CAMK4: variants seen among roughly 807,000 people sequenced by gnomAD.
CAMK4 encodes calcium/calmodulin-dependent protein kinase type IV.
CAMK4 carries 22 observed loss-of-function variants against 44.9 expected under a neutral mutation model. The ratio of observed to expected loss-of-function variants is 0.49; its 90% confidence interval spans 0.35 to 0.70. The LOEUF (loss-of-function observed/expected upper bound fraction) is 0.70, where lower values mean the gene tolerates loss of function less well. Ranked by LOEUF, CAMK4 falls within the 30% of genes least tolerant of loss-of-function variation. CAMK4 has a pLI of 0.01. For missense variants in CAMK4, 498 were observed against 586.8 expected (o/e 0.85, Z 1.56); for synonymous variants, 218 against 215.4 (o/e 1.01, Z -0.11).
At position 111,336,884 on chromosome 5, in the gene CAMK4, A is replaced by G. The variant is rs920927309; in HGVS notation, c.162-7140A>G. The stretch of plus-strand genomic sequence containing the variant: ...ATGAACATAGAATGGGTTGAATGCT[A>G]TAAGCCACATTTTGGTAATGTGGTT... On this transcript the variant is annotated intron_variant, in intron 1 of 10. Transcript: ENST00000282356. Among the ~76,000 whole-genome samples the G allele has an allele frequency of 3.3e-5, 5 of 151,116 alleles. No individual in the cohort carries two copies. The East Asian group carries it at 5.8e-4, about 18-fold the overall frequency.
intron 2 of CAMK4, among the ~76,000 whole-genome samples, chr5:111,355,669 C>T (rs574727266): frequency 0.012 from 1,416 of 118,010 alleles, 14 homozygotes; most frequent in Non-Finnish European, 0.018. Flanking sequence ...CACCCCACAA[C>T]AGTCCCCAGA....
chr5:111,289,322 A>C (rs1015230035), intron 1 of CAMK4, among the ~76,000 whole-genome samples: 1 of 152,224 alleles, frequency 6.6e-6, no homozygotes, highest in African/African-American at 2.4e-5. Context: ...CTCCAGCCTG[A>C]GCAAGAAAGA....
In CAMK4 at chr5:111,492,408, A is replaced by G. The variant is rs1755880307; in HGVS notation, c.*7942A>G. Reference sequence around the variant, plus strand: ...GAACAAAAGATATCAATCTTCTGCCAGTCCGCATCATTATGTGTAGCAGAG... The same window carrying G: ...GAACAAAAGATATCAATCTTCTGCCGGTCCGCATCATTATGTGTAGCAGAG... On this transcript the variant is annotated 3_prime_UTR_variant, in exon 11 of 11. Transcript: ENST00000282356. The G allele has an allele frequency of 2.0e-5, 3 of 152,220 alleles. No individual in the cohort carries two copies. Among genetic ancestry groups the G allele is most frequent in the Admixed American group, 6.5e-5 (1 of 15,280 alleles). 9.4% of individuals were successfully genotyped at this position (152,220 alleles called of 1,614,324 possible). A position where few individuals can be genotyped will look rare whatever the true frequency, so the allele number is the denominator to read the frequency against.
chr5:111,286,883 A>G (rs916182759), intron 1 of CAMK4, among the ~76,000 whole-genome samples: 4 of 152,196 alleles, frequency 2.6e-5, no homozygotes, highest in African/African-American at 9.7e-5. Flanking sequence ...ACTTCTTTGA[A>G]GTAGAGTTTT....
chr5:111,364,310 A>G (rs952666602), intron 2 of CAMK4, among the ~76,000 whole-genome samples: 7 of 152,068 alleles, frequency 4.6e-5, no homozygotes, highest in African/African-American at 1.7e-4. Context: ...CTTCTGCTCT[A>G]TCTATCAGGT....
At chr5:111,471,090 C>T (rs1156568426) in intron 7 of CAMK4, among the ~76,000 whole-genome samples, 1 of 152,200 alleles carries the variant, frequency 6.6e-6, no homozygotes, top group Non-Finnish European at 1.5e-5. Flanking sequence ...TGTTTTATCT[C>T]CTGTAACAAT....
chr5:111,341,424 A>C (rs1010841415), intron 1 of CAMK4, among the ~76,000 whole-genome samples: 1 of 151,040 alleles, frequency 6.6e-6, no homozygotes, highest in Non-Finnish European at 1.5e-5. Flanking sequence ...TTACATATGG[A>C]TATCTAGTCA....
At chr5:111,264,146 G>A (rs1353526235) in intron 1 of CAMK4, among the ~76,000 whole-genome samples, 1 of 152,168 alleles carries the variant, frequency 6.6e-6, no homozygotes, top group East Asian at 1.9e-4. Flanking sequence ...ACTTGGTTTG[G>A]TGGGAGTTGT....
chr5:111,295,572 C>T (rs181571964), intron 1 of CAMK4, among the ~76,000 whole-genome samples: 233 of 152,272 alleles, frequency 1.5e-3, no homozygotes, highest in Non-Finnish European at 3.0e-3. Flanking sequence ...AAAGCTCTCT[C>T]TAATAAGACA....
At chr5:111,427,677 G>A (rs1360609215) in intron 5 of CAMK4, among the ~76,000 whole-genome samples, 12 of 152,196 alleles carry the variant, frequency 7.9e-5, no homozygotes, top group African/African-American at 2.9e-4. Context: ...GAAAGAGTGG[G>A]AAGGACTGTG....
At chr5:111,379,530 C>T (rs75507360) in intron 4 of CAMK4, among the ~76,000 whole-genome samples, 2,239 of 152,190 alleles carry the variant, frequency 0.015, 58 homozygotes, top group African/African-American at 0.051. Context: ...TGAACTTGGT[C>T]TCTCCATTAA....
intron 5 of CAMK4, among the ~76,000 whole-genome samples, chr5:111,399,648 G>A (rs914714312): frequency 4.6e-5 from 7 of 152,088 alleles, no homozygotes; most frequent in African/African-American, 1.7e-4. Context: ...TCTGGATAAC[G>A]AGCCATGTAC....
chr5:111,244,831 A>G (rs551874295), intron 1 of CAMK4, among the ~76,000 whole-genome samples: 6 of 152,314 alleles, frequency 3.9e-5, no homozygotes, highest in African/African-American at 1.4e-4. Flanking sequence ...ACTGCATTCC[A>G]GCCTGGGTGA....
Position 111,273,702 on chromosome 5 carries a change from TATATATATATATATATACAC to T in CAMK4, c.161+49060_161+49079del, listed in dbSNP as rs1168801800. 1.3e-4 allele frequency among the ~76,000 whole-genome samples: 7 copies of T among 54,612 alleles called. 1 individual carries two copies. Among genetic ancestry groups the T allele is most frequent in the African/African-American group, 2.1e-4 (2 of 9,652 alleles). 35.8% of individuals were successfully genotyped at this position (54,612 alleles called of 152,430 possible). A position where few individuals can be genotyped will look rare whatever the true frequency, so the allele number is the denominator to read the frequency against. ...TTATATATATATATATATATATATATATATATATATATATATACACACACATACATACACACACACACGCT... is the reference window on the plus strand; with the variant it reads ...TTATATATATATATATATATATATATACACATACATACACACACACACGCT... On this transcript the variant is annotated intron_variant, in intron 1 of 10. Transcript: ENST00000282356.
At chr5:111,232,196 A>G (rs1307058622) in intron 1 of CAMK4, among the ~76,000 whole-genome samples, 1 of 152,180 alleles carries the variant, frequency 6.6e-6, no homozygotes, top group East Asian at 1.9e-4. Flanking sequence ...ATAAATCAAT[A>G]TTTGGCCTCC....
intron 5 of CAMK4, among the ~76,000 whole-genome samples, chr5:111,427,553 A>G (rs1384850481): frequency 6.6e-6 from 1 of 152,220 alleles, no homozygotes; most frequent in Non-Finnish European, 1.5e-5. Context: ...GACAGGTAAC[A>G]TTCACGACAA....
intron 1 of CAMK4, among the ~76,000 whole-genome samples, chr5:111,283,374 C>T (rs1314541330): frequency 6.6e-6 from 1 of 152,186 alleles, no homozygotes; most frequent in Non-Finnish European, 1.5e-5. Context: ...AACCTCTTCA[C>T]AGTCAGAGTT....
At chr5:111,327,094 G>T (rs1460509670) in intron 1 of CAMK4, among the ~76,000 whole-genome samples, 1 of 151,510 alleles carries the variant, frequency 6.6e-6, no homozygotes, top group African/African-American at 2.4e-5. Context: ...TGCCATGCTG[G>T]TGTGCTGCAC....
At chr5:111,430,373 A>C (rs1753400286) in intron 5 of CAMK4, among the ~76,000 whole-genome samples, 1 of 152,184 alleles carries the variant, frequency 6.6e-6, no homozygotes, top group African/African-American at 2.4e-5. Flanking sequence ...GTGGGGAAAA[A>C]CTGACAGCCT....
Sources: allele counts gnomAD v4.1 joint callset (sites outside exome capture counted in the v4.1 genomes callset), GRCh38; gene constraint gnomAD v4.1.1; transcripts MANE v1.5; gene names NCBI Gene and HGNC (gene_info 2026-07-23, HGNC 2026-07-21).